The following PDIA6 variants were observed in gnomAD, a reference collection of about 807,000 sequenced individuals.
PDIA6 encodes protein disulfide-isomerase A6.
PDIA6 carries 29 observed loss-of-function variants against 58.4 expected under a neutral mutation model. That is an observed-to-expected ratio of 0.50 (90% CI 0.37 to 0.68). The LOEUF (loss-of-function observed/expected upper bound fraction) is 0.68. Among genes scored for constraint, PDIA6 ranks in the 30% least tolerant of loss-of-function variants. PDIA6 has a pLI of 0.00. For synonymous variants in PDIA6, 192 were observed against 202.6 expected (o/e 0.95, Z 0.44); for missense variants, 480 against 551.0 (o/e 0.87, Z 1.29).
At chr2:10,800,245 C>T (rs1666445573) in intron 2 of PDIA6, among the ~76,000 whole-genome samples, 1 of 152,194 alleles carries the variant, frequency 6.6e-6, no homozygotes, top group Non-Finnish European at 1.5e-5. Context: ...TCTAAAAACC[C>T]ACAACCTGAA....
chr2:10,784,228 G>A lies in PDIA6; in HGVS notation c.*30C>T, dbSNP rs1558434755. On this transcript the variant is annotated 3_prime_UTR_variant, in exon 13 of 13. Transcript: ENST00000272227. ...AAAAATCCACTGGCTCCCAAGAAAA[G>A]AAAATGGTCTGAAGCCTCTGTTGTG... The A allele has an allele frequency of 6.3e-7, 1 of 1,580,418 alleles. No individual in the cohort carries two copies. The highest frequency in any genetic ancestry group is 1.1e-5 in the South Asian group (1 of 88,114).
chr2:10,791,260 C>T (rs981609643), intron 6 of PDIA6, among the ~76,000 whole-genome samples: 3 of 152,060 alleles, frequency 2.0e-5, no homozygotes, highest in Non-Finnish European at 2.9e-5. Flanking sequence ...TCTTGCACCT[C>T]AACCTCCCAA....
chr2:10,831,313 G>A (rs193111655), intron 1 of PDIA6, among the ~76,000 whole-genome samples: 2 of 152,288 alleles, frequency 1.3e-5, no homozygotes, highest in East Asian at 1.9e-4. Flanking sequence ...CTCTTGACTC[G>A]GGGAAACGCA....
At chr2:10,832,506 C>G, upstream of PDIA6, 1 of 870,416 alleles carries the variant, frequency 1.1e-6, no homozygotes. Flanking sequence ...AGGAAGTGAC[C>G]GCAAGGGGGC....
intron 1 of PDIA6, among the ~76,000 whole-genome samples, chr2:10,807,871 T>C (rs1183045457): frequency 6.6e-6 from 1 of 152,224 alleles, no homozygotes; most frequent in Non-Finnish European, 1.5e-5. Context: ...GTAGGACTTA[T>C]CCCCATTTTG....
chr2:10,797,842 A>C, intron 2 of PDIA6, 85 bp from the exon 3 acceptor site: 1 of 1,071,314 alleles, frequency 9.3e-7, no homozygotes, highest in South Asian at 1.4e-5. Context: ...AAAAAACCCC[A>C]TCAATGGTCT....
chr2:10,825,998 T>C (rs1446632585), intron 1 of PDIA6, among the ~76,000 whole-genome samples: 2 of 152,206 alleles, frequency 1.3e-5, no homozygotes, highest in Admixed American at 6.5e-5. Context: ...ATGAAACACA[T>C]GTCCACACAA....
intron 4 of PDIA6, among the ~76,000 whole-genome samples, chr2:10,795,361 T>TA (rs1310520730): frequency 1.3e-5 from 2 of 152,052 alleles, no homozygotes; most frequent in African/African-American, 4.8e-5. Flanking sequence ...TGAGGAAAAC[T>TA]AAAACAAATT....
upstream of PDIA6, among the ~76,000 whole-genome samples, chr2:10,814,647 T>A (rs747187735): frequency 1.2e-4 from 18 of 152,278 alleles, no homozygotes; most frequent in Admixed American, 3.9e-4. Context: ...GCCTGGAAAG[T>A]CATGCTTTTC....
At chr2:10,832,826 G>A (rs998579949), upstream of PDIA6, among the ~76,000 whole-genome samples, 2 of 152,162 alleles carry the variant, frequency 1.3e-5, no homozygotes, top group African/African-American at 4.8e-5. Flanking sequence ...CTTGCCACAG[G>A]AACAGGGTAA....
rs541372931 is a variant in PDIA6, at chr2:10,837,705, G to A, written c.-100C>T. 11 of 1,492,666 alleles carry A rather than the reference G, an allele frequency of 7.4e-6. No individual in the cohort carries two copies. The South Asian group carries it at 1.3e-4, about 18-fold the overall frequency. The allele number at this position is 1,492,666 out of a possible 1,614,324, so 92.5% of individuals were successfully genotyped here. On this transcript the variant is annotated 5_prime_UTR_variant, in exon 1 of 14. Transcript: ENST00000404824. ...GTCTCAAGCCTGGGCAGCCTGGTGT[G>A]CAAGTTCATGCCACCCCTGCTGCTT... is the stretch of plus-strand genomic sequence containing the variant.
upstream of PDIA6, among the ~76,000 whole-genome samples, chr2:10,832,735 C>T (rs1403008554): frequency 2.0e-5 from 3 of 152,154 alleles, no homozygotes; most frequent in Non-Finnish European, 4.4e-5. Context: ...TCCAGGAGGT[C>T]GGGTCCAGGG....
chr2:10,811,874 G>A (rs1667011993), intron 1 of PDIA6, among the ~76,000 whole-genome samples: 1 of 152,212 alleles, frequency 6.6e-6, no homozygotes, highest in African/African-American at 2.4e-5. Context: ...CCCTTTCTAA[G>A]GGAACTATGG....
At chr2:10,812,522 C>T (rs116156133) in intron 1 of PDIA6, among the ~76,000 whole-genome samples, 156 bp downstream of exon 1, 11,194 of 151,702 alleles carry the variant, frequency 0.074, 583 homozygotes, top group South Asian at 0.14. Flanking sequence ...CCGGGGCAAC[C>T]TAGCAGCTCC....
intron 2 of PDIA6, among the ~76,000 whole-genome samples, chr2:10,797,988 C>G (rs569144882): frequency 1.3e-5 from 2 of 152,174 alleles, no homozygotes; most frequent in African/African-American, 4.8e-5. Flanking sequence ...GAGTTTGAGA[C>G]CAGCCTGGCT....
intron 12 of PDIA6, 105 bp downstream of exon 12, chr2:10,784,829 G>T: frequency 2.5e-6 from 2 of 802,574 alleles, no homozygotes; most frequent in Non-Finnish European, 4.1e-6. Flanking sequence ...GGTGCACCAG[G>T]GCTGAGGTCT....
In PDIA6 at chr2:10,787,357, C is replaced by A; in HGVS notation, c.1081G>T (p.Ala361Ser). ...AATTTCATCTTGCGTGCATTGATGG[C>A]GGCCATGGCGGGGTACCCAAACCCT... Reference protein sequence around the residue: ...IGGFGYPAMAAINARKMKFAL... With the variant: ...IGGFGYPAMASINARKMKFAL... The change falls in exon 11 of 13, where the codon GCC (alanine) becomes TCC (serine). Residue 361 changes from alanine to serine, a missense_variant. Coordinates refer to ENST00000272227, the MANE Select transcript of PDIA6 (RefSeq NM_005742.4). 6.2e-7 allele frequency: 1 copy of A among 1,614,066 alleles called. No individual in the cohort carries two copies. Among genetic ancestry groups the A allele is most frequent in the Non-Finnish European group, 8.5e-7 (1 of 1,179,990 alleles).
At chr2:10,820,822 G>T (rs529860736) in intron 1 of PDIA6, 14 of 703,012 alleles carry the variant, frequency 2.0e-5, no homozygotes, top group African/African-American at 1.4e-4. Flanking sequence ...GGGGCCAGTG[G>T]TCGGCACACC....
rs1553339954 is a variant in PDIA6 at position 10,806,650 on chromosome 2, A to AAAGAAAGACAG, written c.20-4011_20-4010insCTGTCTTTCTT. ...AGACAGAAAGAAAGAAAGAAAGAAAAACGTTACAGTAAATTAAGGTTAATC... is the reference window on the plus strand; with the variant it reads ...AGACAGAAAGAAAGAAAGAAAGAAAAAAGAAAGACAGACGTTACAGTAAATTAAGGTTAATC... On this transcript the variant is annotated intron_variant, in intron 1 of 12. Coordinates refer to ENST00000272227, the MANE Select transcript of PDIA6 (RefSeq NM_005742.4). Among the ~76,000 whole-genome samples the AAAGAAAGACAG allele has an allele frequency of 3.3e-4, 21 of 62,978 alleles. 6 individuals carry two copies. Among genetic ancestry groups the AAAGAAAGACAG allele is most frequent in the East Asian group, 2.2e-3 (4 of 1,856 alleles). The allele number at this position is 62,978 out of a possible 152,430, so 41.3% of individuals were successfully genotyped here.
Sources: gnomAD v4.1 joint callset for allele counts (sites outside exome capture counted in the v4.1 genomes callset) on GRCh38, gnomAD v4.1.1 for gene constraint, MANE v1.5 for transcripts, NCBI Gene and HGNC (gene_info 2026-07-23, HGNC 2026-07-21) for gene names.